CTIF: variants seen among roughly 807,000 people sequenced by gnomAD.
CTIF encodes CBP80/20-dependent translation initiation factor.
A neutral mutation model predicts 66.0 loss-of-function variants in CTIF; 21 were observed. That is an observed-to-expected ratio of 0.32 (90% CI 0.23 to 0.46). The LOEUF is 0.46. Among genes scored for constraint, CTIF ranks in the 20% least tolerant of loss-of-function variants. The pLI is 1.00. For missense variants in CTIF, 739 were observed against 812.7 expected (o/e 0.91, Z 1.10); for synonymous variants, 345 against 326.4 (o/e 1.06, Z -0.62).
rs11875394 is a variant in CTIF at position 48,604,477 on chromosome 18, G to A, written c.-28-15061G>A. Among the ~76,000 whole-genome samples the A allele has an allele frequency of 1.6e-4, 24 of 151,978 alleles. 1 individual carries two copies. Among genetic ancestry groups the A allele is most frequent in the East Asian group, 3.9e-4 (2 of 5,140 alleles). ...ACAGGCGTGAGCCCCTGCGCCCGGC[G>A]TTTTAAGGCTTGTCATTGATGTTCT... On this transcript the variant is annotated intron_variant, in intron 1 of 11. Coordinates refer to ENST00000256413, the MANE Select transcript of CTIF (RefSeq NM_014772.3).
Position 48,820,481 on chromosome 18 carries a change from G to A in CTIF, c.1527+3105G>A, listed in dbSNP as rs533139945. Reference sequence around the variant, plus strand: ...ATCCACAGCACCCACTTTGCCCTGAGATCCCCCCAACTCCCAGAACCACCC... The same window carrying A: ...ATCCACAGCACCCACTTTGCCCTGAAATCCCCCCAACTCCCAGAACCACCC... On this transcript the variant is annotated intron_variant, in intron 10 of 11. Transcript: ENST00000256413. Among the ~76,000 whole-genome samples the A allele has an allele frequency of 3.7e-4, 57 of 152,172 alleles. 3 individuals carry two copies. The South Asian group carries it at 0.012, about 32-fold the overall frequency.
At position 48,758,222 on chromosome 18, in the gene CTIF, C is replaced by T. The variant is rs758320722; in HGVS notation, c.888C>T (p.Ala296=). The T allele has an allele frequency of 1.2e-6, 2 of 1,613,390 alleles. No individual in the cohort carries two copies. The highest frequency in any genetic ancestry group is 1.3e-5 in the African/African-American group (1 of 74,976). ...ACACCGGGCACAGCAGCCTTGAGGC[C>T]CCCCGCAGCCCTGACACCCTGGCCC... ...AGDTGHSSLE[A]PRSPDTLAPV... The change falls in exon 8 of 12, where the codon GCC becomes GCT. Residue 296 remains alanine, a synonymous_variant. Transcript: ENST00000256413.
intron 1 of CTIF, among the ~76,000 whole-genome samples, chr18:48,608,156 G>T (rs1475289950): frequency 6.6e-6 from 1 of 152,064 alleles, no homozygotes; most frequent in Non-Finnish European, 1.5e-5. Context: ...TGAGCAGCGG[G>T]GAGGCATTAG....
chr18:48,788,943 C>G (rs1173687619), intron 9 of CTIF, among the ~76,000 whole-genome samples: 1 of 152,138 alleles, frequency 6.6e-6, no homozygotes, highest in Non-Finnish European at 1.5e-5. Flanking sequence ...TGTCCCATTC[C>G]CACCATCCAA....
At chr18:48,784,557 T>G (rs907684552) in intron 9 of CTIF, among the ~76,000 whole-genome samples, 2 of 152,014 alleles carry the variant, frequency 1.3e-5, no homozygotes, top group African/African-American at 4.8e-5. Context: ...TGTCTCCTGG[T>G]TGGCATCTTT....
chr18:48,664,102 C>T (rs972871965), intron 4 of CTIF, among the ~76,000 whole-genome samples: 1 of 152,136 alleles, frequency 6.6e-6, no homozygotes, highest in Non-Finnish European at 1.5e-5. Context: ...GTGGCCGGGT[C>T]GTCACTTTGA....
At chr18:48,675,041 T>C (rs1256823350) in intron 6 of CTIF, among the ~76,000 whole-genome samples, 1 of 4,312 alleles carries the variant, frequency 2.3e-4, no homozygotes, top group African/African-American at 9.5e-4. Flanking sequence ...GATGGGGTGG[T>C]GGGGGGTCGG....
intron 9 of CTIF, among the ~76,000 whole-genome samples, chr18:48,790,539 C>T (rs1487025152): frequency 2.0e-5 from 3 of 152,250 alleles, no homozygotes; most frequent in Non-Finnish European, 4.4e-5. Flanking sequence ...CCCCATCCCC[C>T]GGACACACGT....
chr18:48,654,231 A>T (rs1301412484), intron 3 of CTIF, among the ~76,000 whole-genome samples: 1 of 152,244 alleles, frequency 6.6e-6, no homozygotes, highest in Non-Finnish European at 1.5e-5. Context: ...TACCCATCTG[A>T]CAAAGGGCTA....
At chr18:48,576,584 TTC>T (rs1293884067) in intron 1 of CTIF, among the ~76,000 whole-genome samples, 1 of 152,082 alleles carries the variant, frequency 6.6e-6, no homozygotes. Flanking sequence ...TGAATGGAGG[TTC>T]TTTTTCCAGA....
rs181406577 is a variant in CTIF at position 48,651,861 on chromosome 18, T to G, written c.253-11891T>G. ...AGAAACTGAACAACCTGCTCCTGAA[T>G]GACTACTGGGTAAATAACAAAATGA... On this transcript the variant is annotated intron_variant, in intron 3 of 11. Transcript: ENST00000256413. Among the ~76,000 whole-genome samples the G allele has an allele frequency of 2.6e-5, 4 of 152,332 alleles. No individual in the cohort carries two copies. The East Asian group carries it at 7.7e-4, about 29-fold the overall frequency.
At chr18:48,586,237 C>T (rs913106104) in intron 1 of CTIF, among the ~76,000 whole-genome samples, 3 of 151,988 alleles carry the variant, frequency 2.0e-5, no homozygotes, top group African/African-American at 7.3e-5. Context: ...GCACTTGTTT[C>T]CCCAACAATG....
chr18:48,723,555 G>A (rs2092360614), intron 7 of CTIF, among the ~76,000 whole-genome samples: 1 of 152,186 alleles, frequency 6.6e-6, no homozygotes, highest in South Asian at 2.1e-4. Flanking sequence ...AGCACCCAGA[G>A]GGAAAGTTCT....
At chr18:48,571,159 T>G (rs2089407658) in intron 1 of CTIF, among the ~76,000 whole-genome samples, 1 of 151,900 alleles carries the variant, frequency 6.6e-6, no homozygotes, top group African/African-American at 2.4e-5. Context: ...GGTAACAGTT[T>G]GGGTTTGTTT....
chr18:48,724,074 A>T (rs2092365030), intron 7 of CTIF, among the ~76,000 whole-genome samples: 1 of 152,192 alleles, frequency 6.6e-6, no homozygotes, highest in South Asian at 2.1e-4. Flanking sequence ...TAGCAGCAGC[A>T]TATGCCACCT....
At chr18:48,741,112 T>C (rs551830134) in intron 7 of CTIF, among the ~76,000 whole-genome samples, 122 of 152,340 alleles carry the variant, frequency 8.0e-4, no homozygotes, top group African/African-American at 2.5e-3. Flanking sequence ...GAAAGCACCA[T>C]GCACGTCATT....
At chr18:48,638,497 C>G (rs1434162816) in intron 3 of CTIF, among the ~76,000 whole-genome samples, 2 of 152,128 alleles carry the variant, frequency 1.3e-5, no homozygotes, top group Non-Finnish European at 2.9e-5. Flanking sequence ...CCTTTCTCCC[C>G]TCATCTGCCT....
Position 48,808,221 on chromosome 18 carries a change from T to C in CTIF, c.1372-9000T>C, listed in dbSNP as rs530931073. 3.3e-5 allele frequency among the ~76,000 whole-genome samples: 5 copies of C among 152,350 alleles called. No individual in the cohort carries two copies. In the South Asian group the frequency reaches 8.3e-4, roughly 25 times the overall value. ...TTCATTCATTCAATTACTACTGATA[T>C]TGAATTAAGTTGTTTTCATATATGT... On this transcript the variant is annotated intron_variant, in intron 9 of 11. Coordinates refer to ENST00000256413, the MANE Select transcript of CTIF (RefSeq NM_014772.3).
At chr18:48,659,520 C>T (rs1244303913) in intron 3 of CTIF, among the ~76,000 whole-genome samples, 1 of 152,224 alleles carries the variant, frequency 6.6e-6, no homozygotes, top group African/African-American at 2.4e-5. Flanking sequence ...CTCCCTGGAG[C>T]TGTGCAAAGA....
Sources: gnomAD v4.1 joint callset for allele counts (sites outside exome capture counted in the v4.1 genomes callset) on GRCh38, gnomAD v4.1.1 for gene constraint, MANE v1.5 for transcripts, NCBI Gene and HGNC (gene_info 2026-07-23, HGNC 2026-07-21) for gene names.